The following TMEM114 variants were observed in gnomAD, a reference collection of about 807,000 sequenced individuals.
TMEM114 encodes transmembrane protein 114, also known as claudin-26.
A neutral mutation model predicts 6.2 loss-of-function variants in TMEM114; 6 were observed. That is an observed-to-expected ratio of 0.97 (90% CI 0.53 to 1.91). The LOEUF (loss-of-function observed/expected upper bound fraction) is 1.91. Ranked by LOEUF, TMEM114 falls within the 40% of genes most tolerant of loss-of-function variation. The pLI, the probability that TMEM114 is intolerant of heterozygous loss-of-function variation, is 0.01. For missense variants in TMEM114, 218 were observed against 158.3 expected (o/e 1.38, Z -2.02); for synonymous variants, 104 against 73.0 (o/e 1.42, Z -2.16).
At chr16:8,546,983 G>C (rs1182237275) in intron 2 of TMEM114, among the ~76,000 whole-genome samples, 2 of 152,142 alleles carry the variant, frequency 1.3e-5, no homozygotes, top group African/African-American at 4.8e-5. Flanking sequence ...CTGAGCCTTG[G>C]GTAAAGGTAT....
intron 3 of TMEM114, among the ~76,000 whole-genome samples, chr16:8,571,231 C>A (rs1229757991): frequency 6.6e-6 from 1 of 152,022 alleles, no homozygotes. Context: ...CTAAACCAAC[C>A]AGTGGTGTTA....
At chr16:8,550,515 C>G (rs1056857803) in intron 2 of TMEM114, among the ~76,000 whole-genome samples, 20 of 152,076 alleles carry the variant, frequency 1.3e-4, no homozygotes, top group African/African-American at 4.8e-4. Flanking sequence ...CCCATCTCTA[C>G]TAAAAATACA....
intron 3 of TMEM114, among the ~76,000 whole-genome samples, chr16:8,571,260 C>A (rs899069417): frequency 1.3e-5 from 2 of 152,088 alleles, no homozygotes; most frequent in African/African-American, 4.8e-5. Context: ...ATTGTCTGTC[C>A]ACCTGTTGTT....
rs1901659476 is a variant in TMEM114 at position 8,569,710 on chromosome 16, A to C, written c.*63T>G. 1.3e-6 allele frequency: 2 copies of C among 1,486,620 alleles called. No individual in the cohort carries two copies. The highest frequency in any genetic ancestry group is 1.4e-5 in the African/African-American group (1 of 71,362). The allele number at this position is 1,486,620 out of a possible 1,614,324, so 92.1% of individuals were successfully genotyped here. On this transcript the variant is annotated 3_prime_UTR_variant, in exon 4 of 4. Coordinates refer to ENST00000620492, the MANE Select transcript of TMEM114 (RefSeq NM_001146336.2). ...AGGAAGAAGAGGCCGCAGCCGATGGAGATCGGTCGGTGAAGCTCCGGGGCC... is the reference window on the plus strand; with the variant it reads ...AGGAAGAAGAGGCCGCAGCCGATGGCGATCGGTCGGTGAAGCTCCGGGGCC...
chr16:8,563,348 A>C (rs1029614936), intron 2 of TMEM114, among the ~76,000 whole-genome samples: 1 of 144,906 alleles, frequency 6.9e-6, no homozygotes, highest in African/African-American at 2.6e-5. Flanking sequence ...TGAGTGAGTA[A>C]ATGAGTGAGT....
At chr16:8,531,832 A>G in the TMEM114 span, 1 of 152,248 alleles carries the variant, frequency 6.6e-6, no homozygotes, top group African/African-American at 2.4e-5. Flanking sequence ...GGGATTGTCA[A>G]TTAGATATTT....
rs1901659536 is a variant in TMEM114 at position 8,569,711 on chromosome 16, G to C, written c.*62C>G. On this transcript the variant is annotated 3_prime_UTR_variant, in exon 4 of 4. Transcript: ENST00000620492. ...GGAAGAAGAGGCCGCAGCCGATGGA[G>C]ATCGGTCGGTGAAGCTCCGGGGCCA... 6.7e-7 allele frequency: 1 copy of C among 1,487,764 alleles called. No individual in the cohort carries two copies. 92.2% of individuals were successfully genotyped at this position (1,487,764 alleles called of 1,614,324 possible). A position where few individuals can be genotyped will look rare whatever the true frequency, so the allele number is the denominator to read the frequency against.
intron 2 of TMEM114, among the ~76,000 whole-genome samples, chr16:8,555,827 C>G (rs1378180111): frequency 3.9e-5 from 6 of 152,214 alleles, no homozygotes; most frequent in Admixed American, 1.3e-4. Context: ...GCCTACAATA[C>G]AGAAGGAAGC....
chr16:8,554,090 G>A (rs1900930353), intron 2 of TMEM114, among the ~76,000 whole-genome samples: 2 of 152,098 alleles, frequency 1.3e-5, no homozygotes. Flanking sequence ...TGTTGCCCAG[G>A]CTGATCTTGA....
At chr16:8,578,330 C>T (rs6501163) in intron 2 of TMEM114, among the ~76,000 whole-genome samples, 29,190 of 151,998 alleles carry the variant, frequency 0.19, 3,366 homozygotes, top group Middle Eastern at 0.25. Flanking sequence ...AATCCTTCCC[C>T]GCCTCTCTTA....
At chr16:8,540,161 A>T (rs1900475241) in intron 2 of TMEM114, among the ~76,000 whole-genome samples, 1 of 152,216 alleles carries the variant, frequency 6.6e-6, no homozygotes, top group Admixed American at 6.5e-5. Context: ...GTATTTATTC[A>T]TTCAAACATC....
chr16:8,559,596 A>C (rs374908621), intron 2 of TMEM114, among the ~76,000 whole-genome samples: 1 of 152,208 alleles, frequency 6.6e-6, no homozygotes, highest in Non-Finnish European at 1.5e-5. Context: ...ATATTTTATC[A>C]GTCATCAAAG....
At chr16:8,562,152 ATAAG>A (rs1901251763) in intron 2 of TMEM114, among the ~76,000 whole-genome samples, 1 of 144,458 alleles carries the variant, frequency 6.9e-6, no homozygotes, top group African/African-American at 2.6e-5. Flanking sequence ...GAGTTAGTGA[ATAAG>A]TGAGTTAGTG....
At chr16:8,557,219 A>T (rs1901043162) in intron 2 of TMEM114, among the ~76,000 whole-genome samples, 1 of 152,066 alleles carries the variant, frequency 6.6e-6, no homozygotes, top group South Asian at 2.1e-4. Flanking sequence ...GGCAGAAGGG[A>T]TGCTATATGA....
chr16:8,555,129 A>G (rs929282867), intron 2 of TMEM114, among the ~76,000 whole-genome samples: 1 of 152,148 alleles, frequency 6.6e-6, no homozygotes, highest in Non-Finnish European at 1.5e-5. Context: ...GTTGGTGTTT[A>G]TCATGCACAT....
At chr16:8,560,751 G>C (rs1901171981) in intron 2 of TMEM114, among the ~76,000 whole-genome samples, 1 of 152,126 alleles carries the variant, frequency 6.6e-6, no homozygotes, top group Non-Finnish European at 1.5e-5. Flanking sequence ...ACTATGTCTG[G>C]GATCCCCCAT....
At chr16:8,547,281 G>T (rs1057335558) in intron 2 of TMEM114, among the ~76,000 whole-genome samples, 1 of 152,156 alleles carries the variant, frequency 6.6e-6, no homozygotes, top group Admixed American at 6.5e-5. Context: ...TTTCTCCAAA[G>T]GGGTTAAGCA....
chr16:8,559,884 G>T (rs1901142805), intron 2 of TMEM114, among the ~76,000 whole-genome samples: 1 of 152,194 alleles, frequency 6.6e-6, no homozygotes, highest in South Asian at 2.1e-4. Flanking sequence ...CCAAAGGTGA[G>T]AAGTCGGGAG....
At chr16:8,577,879 G>C (rs1901996968) in intron 2 of TMEM114, among the ~76,000 whole-genome samples, 1 of 152,144 alleles carries the variant, frequency 6.6e-6, no homozygotes, top group Non-Finnish European at 1.5e-5. Context: ...GCCACCGGCA[G>C]TGTTTTCAAA....
Sources: allele counts gnomAD v4.1 joint callset (sites outside exome capture counted in the v4.1 genomes callset), GRCh38; gene constraint gnomAD v4.1.1; transcripts MANE v1.5; gene names NCBI Gene and HGNC (gene_info 2026-07-23, HGNC 2026-07-21).